Variants in CD200 observed in about 807,000 individuals in gnomAD.
CD200 encodes the protein OX-2 membrane glycoprotein.
Under a neutral mutation model 30.9 loss-of-function variants are expected in CD200, and 15 were observed. The observed-to-expected ratio is 0.49, with a 90% CI of 0.32 to 0.75. The LOEUF (loss-of-function observed/expected upper bound fraction) is 0.75. Among genes scored for constraint, CD200 ranks in the 30% least tolerant of loss-of-function variants. The pLI, the probability that CD200 is intolerant of heterozygous loss-of-function variation, is 0.03. For missense variants in CD200, 262 were observed against 324.2 expected, an observed-to-expected ratio of 0.81 and a Z score of 1.47; for synonymous variants, 134 against 126.2, an observed-to-expected ratio of 1.06 and a Z score of -0.41.
At chr3:112,358,254 G>A (rs2081666234) in intron 5 of CD200, among the ~76,000 whole-genome samples, 1 of 152,184 alleles carries the variant, frequency 6.6e-6, no homozygotes, top group African/African-American at 2.4e-5. Context: ...GGTCCTGGAT[G>A]GGAATCTGTT....
chr3:112,333,936 T>C (rs564989316), intron 1 of CD200: 2 of 983,788 alleles, frequency 2.0e-6, no homozygotes, highest in African/African-American at 3.5e-5. Context: ...TATATCCCAT[T>C]GGTATATGAA....
intron 2 of CD200, among the ~76,000 whole-genome samples, chr3:112,342,373 CT>C (rs2081278234): frequency 5.3e-5 from 2 of 37,624 alleles, no homozygotes; most frequent in Admixed American, 3.4e-4. Flanking sequence ...TTCTTTCTTT[CT>C]TTCTTTCTTT....
At chr3:112,349,480 G>A (rs1286514813) in intron 4 of CD200, among the ~76,000 whole-genome samples, 1 of 152,074 alleles carries the variant, frequency 6.6e-6, no homozygotes, top group African/African-American at 2.4e-5. Flanking sequence ...TAACTCTTGG[G>A]ATGTTTTGAG....
intron 5 of CD200, among the ~76,000 whole-genome samples, chr3:112,354,478 T>G (rs1404751863): frequency 6.6e-6 from 1 of 152,230 alleles, no homozygotes; most frequent in African/African-American, 2.4e-5. Flanking sequence ...GCTGTGCATT[T>G]CAGTAGTATA....
At position 112,362,340 on chromosome 3, in the gene CD200, A is replaced by AGCAT. The variant is rs2081755945; in HGVS notation, c.*793_*796dup. On this transcript the variant is annotated 3_prime_UTR_variant, in exon 6 of 6. Transcript: ENST00000315711. Reference sequence around the variant, plus strand: ...AGACAATAGCTCACATTTTTTGAGAAGCATGCCCTCCCTGTCCATTTGTCT... The same window carrying AGCAT: ...AGACAATAGCTCACATTTTTTGAGAAGCATGCATGCCCTCCCTGTCCATTTGTCT... 6.6e-6 allele frequency: 1 copy of AGCAT among 152,276 alleles called. No individual in the cohort carries two copies. Among genetic ancestry groups the AGCAT allele is most frequent in the Admixed American group, 6.5e-5 (1 of 15,284 alleles). The allele number at this position is 152,276 out of a possible 1,614,324, so 9.4% of individuals were successfully genotyped here. A position where few individuals can be genotyped will look rare whatever the true frequency, so the allele number is the denominator to read the frequency against.
rs952387502 is a variant in CD200 at position 112,360,099 on chromosome 3, A to T, written c.803-1444A>T. ...TCCCAGCACTTTGGGAGGCTGAGGC[A>T]GGCAGATCACCTGAGGTCAGGAGTT... On this transcript the variant is annotated intron_variant, in intron 5 of 5. Transcript: ENST00000315711. Among the ~76,000 whole-genome samples the T allele has an allele frequency of 2.0e-5, 3 of 152,268 alleles. No homozygotes were observed. The East Asian group carries it at 5.8e-4, about 29-fold the overall frequency.
intron 5 of CD200, among the ~76,000 whole-genome samples, chr3:112,351,064 A>G (rs2081521811): frequency 2.0e-5 from 3 of 152,028 alleles, no homozygotes; most frequent in Admixed American, 6.6e-5. Flanking sequence ...GAATAAAATC[A>G]AAGACAGAAG....
rs1243598967 is a variant in CD200 at position 112,345,046 on chromosome 3, T to A, written c.179T>A (p.Leu60His). The change falls in exon 3 of 6, where the codon CTC becomes CAC. Residue 60 changes from leucine (L) to histidine (H), a missense_variant. By Grantham distance (99) the Leu-to-His change is moderately conservative (BLOSUM62 -3). Coordinates refer to ENST00000315711, the MANE Select transcript of CD200 (RefSeq NM_005944.7). ...KCSLQNAQEALIVTWQKKKAV... is the reference protein window; with the variant it reads ...KCSLQNAQEAHIVTWQKKKAV... ...TCTCTGCAAAATGCCCAGGAAGCCC[T>A]CATTGTGACATGGCAGAAAAAGAAA... is the stretch of plus-strand genomic sequence containing the variant. The A allele has an allele frequency of 6.2e-7, 1 of 1,613,952 alleles. No homozygotes were observed. Among genetic ancestry groups the A allele is most frequent in the Non-Finnish European group, 8.5e-7 (1 of 1,180,004 alleles).
At chr3:112,335,994 A>C (rs761573275) in intron 1 of CD200, 1 of 1,612,134 alleles carries the variant, frequency 6.2e-7, no homozygotes, top group Non-Finnish European at 8.5e-7. Flanking sequence ...ACTCCTAGGA[A>C]AGACCACCAT....
At chr3:112,360,185 G>A (rs374307964) in intron 5 of CD200, among the ~76,000 whole-genome samples, 1 of 152,048 alleles carries the variant, frequency 6.6e-6, no homozygotes, top group Non-Finnish European at 1.5e-5. Flanking sequence ...AAAATTAGCC[G>A]GGCATAGTGG....
chr3:112,356,956 C>CA (rs1311409252), intron 5 of CD200, among the ~76,000 whole-genome samples: 1 of 152,144 alleles, frequency 6.6e-6, no homozygotes, highest in Admixed American at 6.5e-5. Context: ...GGAATACATA[C>CA]AAGTGCTTAG....
At position 112,340,930 on chromosome 3, in the gene CD200, C is replaced by A; in HGVS notation, c.41C>A (p.Ser14Tyr). Residue 14 changes from serine (S) to tyrosine (Y), a missense_variant, in exon 2 of 6, where the codon TCT becomes TAT. Ser to Tyr is a moderately radical substitution (Grantham distance 144). Transcript: ENST00000315711. ...ATCAGGATGCCCTTCTCTCATCTGTCTACCTACAGCCTGGTTTGGGTCATG... is the reference window on the plus strand; with the variant it reads ...ATCAGGATGCCCTTCTCTCATCTGTATACCTACAGCCTGGTTTGGGTCATG... ...LVIRMPFSHL[S>Y]TYSLVWVMAA... 6.2e-7 allele frequency: 1 copy of A among 1,611,396 alleles called. No homozygotes were observed.
intron 2 of CD200, among the ~76,000 whole-genome samples, chr3:112,342,409 CTT>C (rs2081285696): frequency 1.6e-5 from 1 of 62,248 alleles, no homozygotes. Context: ...TTCTTTCTTT[CTT>C]TCTTTCTTTC....
At chr3:112,342,325 CTTTCTTTCTTTCCTTCTTTCTTTCT>C (rs2081265439) in intron 2 of CD200, among the ~76,000 whole-genome samples, 1 of 26,058 alleles carries the variant, frequency 3.8e-5, no homozygotes, top group African/African-American at 1.8e-4. Context: ...TTCTTTCTTT[CTTTCTTTCTTTCCTTCTTTCTTTCT>C]TTCTTTCTTT....
intron 2 of CD200, among the ~76,000 whole-genome samples, chr3:112,342,071 T>G (rs1236799554): frequency 6.6e-6 from 1 of 152,146 alleles, no homozygotes; most frequent in Non-Finnish European, 1.5e-5. Flanking sequence ...TTTATCCAGA[T>G]TATCAGTCTT....
chr3:112,350,732 G>A (rs1360155052), intron 5 of CD200, among the ~76,000 whole-genome samples: 2 of 152,052 alleles, frequency 1.3e-5, no homozygotes, highest in African/African-American at 4.8e-5. Flanking sequence ...AAAATAGTTG[G>A]CTTTGATAGC....
intron 4 of CD200, among the ~76,000 whole-genome samples, chr3:112,348,607 A>G (rs1177248316): frequency 1.3e-5 from 2 of 152,222 alleles, no homozygotes; most frequent in African/African-American, 2.4e-5. Context: ...CTCTTGATGA[A>G]GCAGTCAGTA....
At chr3:112,356,176 C>A (rs1431417101) in intron 5 of CD200, among the ~76,000 whole-genome samples, 1 of 152,170 alleles carries the variant, frequency 6.6e-6, no homozygotes, top group Non-Finnish European at 1.5e-5. Flanking sequence ...TTCTGAGTCT[C>A]CGTGGACACT....
chr3:112,350,191 A>G (rs2081503881), intron 5 of CD200, among the ~76,000 whole-genome samples: 1 of 152,154 alleles, frequency 6.6e-6, no homozygotes, highest in Admixed American at 6.5e-5. Flanking sequence ...AGAGGCTGCA[A>G]TTGTCCAATT....
Sources: gnomAD v4.1 joint callset for allele counts (sites outside exome capture counted in the v4.1 genomes callset) on GRCh38, gnomAD v4.1.1 for gene constraint, MANE v1.5 for transcripts, NCBI Gene and HGNC (gene_info 2026-07-23, HGNC 2026-07-21) for gene names.